Variants in TMEM164 observed in about 807,000 individuals in gnomAD.
The protein encoded by TMEM164 is RP13-360B22.2.
In TMEM164, 4 loss-of-function variants were observed where a neutral mutation model predicts 18.8. The ratio of observed to expected loss-of-function variants is 0.21; its 90% CI spans 0.10 to 0.49. The LOEUF is 0.49. TMEM164 is among the 20% of genes least tolerant of loss of function. The probability of loss-of-function intolerance (pLI) is 0.98; values close to 1 mark genes in which losing one functional copy is unlikely to be tolerated. For missense variants in TMEM164, 108 were observed against 239.9 expected, an observed-to-expected ratio of 0.45 and a Z score of 3.63; for synonymous variants, 86 against 101.7, an observed-to-expected ratio of 0.85 and a Z score of 0.93.
chrX:110,085,371 G>A (rs182424151), intron 3 of TMEM164, among the ~76,000 whole-genome samples: 3 of 107,600 alleles, frequency 2.8e-5, no homozygotes, highest in Admixed American at 1.0e-4. Flanking sequence ...AGGGTTTTGC[G>A]GTGTTGCCCA....
At chrX:110,108,647 A>T (rs1333775460) in intron 3 of TMEM164, among the ~76,000 whole-genome samples, 1 of 111,787 alleles carries the variant, frequency 8.9e-6, no homozygotes, top group Non-Finnish European at 1.9e-5. Flanking sequence ...GGGGAAAAGG[A>T]TTATACATGA....
chrX:110,140,999 G>A (rs1397968715), intron 4 of TMEM164, among the ~76,000 whole-genome samples: 3 of 111,528 alleles, frequency 2.7e-5, no homozygotes, highest in African/African-American at 9.8e-5. Context: ...GTCTTAGCTG[G>A]GCATCATGGT....
At chrX:110,068,961 TCA>T (rs2147856194) in intron 3 of TMEM164, among the ~76,000 whole-genome samples, 1 of 112,050 alleles carries the variant, frequency 8.9e-6, no homozygotes, top group African/African-American at 3.2e-5. Context: ...TAGAAATCTA[TCA>T]CAGTCTATTG....
intron 4 of TMEM164, among the ~76,000 whole-genome samples, chrX:110,141,403 A>G (rs1310221141): frequency 8.9e-6 from 1 of 112,299 alleles, no homozygotes; most frequent in African/African-American, 3.2e-5. Context: ...TTATAAAGAA[A>G]AAGAGGTTTA....
intron 4 of TMEM164, among the ~76,000 whole-genome samples, chrX:110,126,981 C>G (rs1385147886): frequency 1.8e-5 from 2 of 110,188 alleles, no homozygotes; most frequent in Non-Finnish European, 3.8e-5. Context: ...GAGCAACTCC[C>G]ATTTGTGCCT....
chrX:110,180,489 C>A (rs1039814785), downstream of TMEM164, among the ~76,000 whole-genome samples: 4 of 103,506 alleles, frequency 3.9e-5, no homozygotes, highest in African/African-American at 1.7e-4. Context: ...GCCTGAACCC[C>A]CCCGCCCCGC....
At chrX:110,126,171 C>T (rs1275620965) in intron 4 of TMEM164, among the ~76,000 whole-genome samples, 4 of 86,628 alleles carry the variant, frequency 4.6e-5, no homozygotes, top group African/African-American at 9.5e-5. Context: ...CTGCCTGGTT[C>T]GTCTCTGCTG....
At chrX:110,069,434 A>G (rs2065549785) in intron 3 of TMEM164, among the ~76,000 whole-genome samples, 1 of 111,130 alleles carries the variant, frequency 9.0e-6, no homozygotes, top group Admixed American at 9.6e-5. Context: ...CGAGTTGTCT[A>G]TTCATATTAT....
At chrX:110,131,194 A>T (rs1278149195) in intron 4 of TMEM164, among the ~76,000 whole-genome samples, 1 of 111,832 alleles carries the variant, frequency 8.9e-6, no homozygotes, top group Non-Finnish European at 1.9e-5. Flanking sequence ...CCCAGGGAGT[A>T]GATTAACCAG....
rs761308096 is a variant in TMEM164, at chrX:110,084,576, G to A, written c.440+17180G>A. Among the ~76,000 whole-genome samples the A allele has an allele frequency of 3.0e-5, 3 of 101,282 alleles. No homozygotes were observed. The South Asian group carries it at 1.3e-3, about 45-fold the overall frequency. The allele number at this position is 101,282 out of a possible 115,157, so 88.0% of individuals were successfully genotyped here. On this transcript the variant is annotated intron_variant, in intron 3 of 6. Coordinates refer to ENST00000372068, the MANE Select transcript of TMEM164 (RefSeq NM_032227.4). ...GAATCGCTTGAACCCAGGAGGTGGA[G>A]GTTGCAGTGAGCCGAGATTGTGCCA...
chrX:110,116,870 GT>G (rs2066374911), intron 4 of TMEM164, among the ~76,000 whole-genome samples: 1 of 103,524 alleles, frequency 9.7e-6, no homozygotes, highest in African/African-American at 3.6e-5. Context: ...GCGTGTGTGT[GT>G]GTGTGGTGTG....
At chrX:110,006,942 G>A (rs1173324425) in intron 2 of TMEM164, among the ~76,000 whole-genome samples, 1 of 112,269 alleles carries the variant, frequency 8.9e-6, no homozygotes, top group Admixed American at 9.4e-5. Flanking sequence ...GGATAGCTTA[G>A]CAGAGACATG....
chrX:110,143,593 C>T (rs2066803553), intron 4 of TMEM164, among the ~76,000 whole-genome samples: 1 of 111,612 alleles, frequency 9.0e-6, no homozygotes, highest in Admixed American at 9.4e-5. Flanking sequence ...TGTCCAGCCT[C>T]CACAGTTGTC....
intron 5 of TMEM164, among the ~76,000 whole-genome samples, chrX:110,161,226 A>C (rs2067089394): frequency 9.0e-6 from 1 of 111,579 alleles, no homozygotes; most frequent in Admixed American, 9.5e-5. Context: ...CAGCTCAAAA[A>C]CTGGCCCCAA....
intron 5 of TMEM164, among the ~76,000 whole-genome samples, chrX:110,156,572 T>A (rs893708421): frequency 3.6e-5 from 4 of 110,922 alleles, no homozygotes; most frequent in Non-Finnish European, 7.5e-5. Context: ...AGGAGCATGT[T>A]TTAGAGAGTG....
intron 4 of TMEM164, among the ~76,000 whole-genome samples, chrX:110,134,933 A>G (rs1419891098): frequency 3.6e-5 from 4 of 111,584 alleles, no homozygotes; most frequent in African/African-American, 1.3e-4. Context: ...ATGTAACATA[A>G]AAGTTCCCAC....
intron 4 of TMEM164, among the ~76,000 whole-genome samples, chrX:110,141,622 G>T (rs2066771913): frequency 8.9e-6 from 1 of 112,031 alleles, no homozygotes; most frequent in Non-Finnish European, 1.9e-5. Flanking sequence ...CTCCCACTGG[G>T]TCCCTCCCAC....
At chrX:110,020,045 C>G (rs1933719276) in intron 2 of TMEM164, among the ~76,000 whole-genome samples, 1 of 112,252 alleles carries the variant, frequency 8.9e-6, no homozygotes, top group African/African-American at 3.2e-5. Flanking sequence ...AGCCCAAACA[C>G]TCCCTCTTGT....
intron 3 of TMEM164, among the ~76,000 whole-genome samples, chrX:110,074,797 A>G (rs973730059): frequency 5.4e-5 from 6 of 111,630 alleles, no homozygotes; most frequent in Non-Finnish European, 1.1e-4. Flanking sequence ...TGTGTTCTCT[A>G]TCCTATTCCT....
Sources: gnomAD v4.1 joint callset for allele counts (sites outside exome capture counted in the v4.1 genomes callset) on GRCh38, gnomAD v4.1.1 for gene constraint, MANE v1.5 for transcripts, NCBI Gene and HGNC (gene_info 2026-07-23, HGNC 2026-07-21) for gene names.